The following GPR89B variants were observed in gnomAD, a reference collection of about 807,000 sequenced individuals.
GPR89B encodes the protein G protein-coupled receptor 89B.
Under a neutral mutation model 52.4 loss-of-function variants are expected in GPR89B, and 25 were observed. That is an observed-to-expected ratio of 0.48 (90% confidence interval 0.35 to 0.67). The LOEUF is 0.67. GPR89B is among the 30% of genes least tolerant of loss of function. The pLI is 0.01. For missense variants in GPR89B, 146 were observed against 450.2 expected, an observed-to-expected ratio of 0.32 and a Z score of 6.11; for synonymous variants, 52 against 151.2, an observed-to-expected ratio of 0.34 and a Z score of 4.81.
chr1:147,955,704 T>C (rs1217773086), intron 7 of GPR89B, among the ~76,000 whole-genome samples: 31 of 148,052 alleles, frequency 2.1e-4, no homozygotes, highest in African/African-American at 7.0e-4. Context: ...GTATGCCTTC[T>C]TTTGAGAAAT....
At chr1:147,981,383 C>T (rs1658241281) in intron 10 of GPR89B, among the ~76,000 whole-genome samples, 1 of 149,412 alleles carries the variant, frequency 6.7e-6, no homozygotes, top group Admixed American at 6.7e-5. Context: ...ATGCTTGTGG[C>T]CCCAGCTACT....
At chr1:147,930,981 C>G (rs1188408549) in intron 1 of GPR89B, among the ~76,000 whole-genome samples, 5 of 152,070 alleles carry the variant, frequency 3.3e-5, no homozygotes, top group Non-Finnish European at 7.4e-5. Flanking sequence ...ACTAGATGTC[C>G]CTATACCTAC....
the GPR89B span, among the ~76,000 whole-genome samples, chr1:148,015,624 TTTG>T: frequency 2.2e-4 from 25 of 111,586 alleles, 1 homozygote; most frequent in East Asian, 7.2e-3. Context: ...TTCTCTCTAT[TTTG>T]TTTGTTTGTT....
At chr1:147,998,787 A>C in the GPR89B span, among the ~76,000 whole-genome samples, 3 of 151,474 alleles carry the variant, frequency 2.0e-5, no homozygotes, top group South Asian at 6.3e-4. Context: ...AGACTGAGGC[A>C]GGAGACTCAC....
intron 7 of GPR89B, among the ~76,000 whole-genome samples, chr1:147,958,648 A>T (rs1656304692): frequency 6.6e-6 from 1 of 151,870 alleles, no homozygotes; most frequent in African/African-American, 2.4e-5. Context: ...CAAAAAAAAA[A>T]AAAAGTGAAG....
At chr1:147,977,269 G>A (rs1348178907) in intron 10 of GPR89B, among the ~76,000 whole-genome samples, 5 of 133,932 alleles carry the variant, frequency 3.7e-5, no homozygotes, top group Non-Finnish European at 7.9e-5. Flanking sequence ...AAAACAGAAT[G>A]TTGAATATTG....
chr1:148,000,352 T>A, the GPR89B span, among the ~76,000 whole-genome samples: 8 of 151,080 alleles, frequency 5.3e-5, no homozygotes, highest in Non-Finnish European at 1.0e-4. Context: ...CAGGTTGATA[T>A]CAAGTATTTT....
chr1:148,004,414 C>T, the GPR89B span, among the ~76,000 whole-genome samples: 18 of 150,102 alleles, frequency 1.2e-4, no homozygotes, highest in East Asian at 3.6e-3. Flanking sequence ...ATCCACCCGC[C>T]TCGGCCTCCC....
At chr1:147,935,227 T>C (rs587651507) in intron 1 of GPR89B, among the ~76,000 whole-genome samples, 17 of 152,156 alleles carry the variant, frequency 1.1e-4, no homozygotes, top group African/African-American at 3.6e-4. Flanking sequence ...AGAGGACATC[T>C]ACACAGGTCT....
rs1252848773 is a variant in GPR89B, at chr1:147,966,598, A to G, written c.662A>G (p.His221Arg). ...ACAATGTTCCAGAAGGGGGAAGTGC[A>G]TAACAAACCATCAGGTTTCTGGGGA... ...RRTMFQKGEV[H>R]NKPSGFWGMI... Residue 221 changes from histidine to arginine, a missense_variant, in exon 8 of 14, where the codon CAT becomes CGT. Coordinates refer to ENST00000314163, the MANE Select transcript of GPR89B (RefSeq NM_016334.5). 6 of 346,546 alleles carry G rather than the reference A, an allele frequency of 1.7e-5. No individual in the cohort carries two copies. Among genetic ancestry groups the G allele is most frequent in the Non-Finnish European group, 2.4e-5 (5 of 209,358 alleles). 21.5% of individuals were successfully genotyped at this position (346,546 alleles called of 1,614,324 possible).
At chr1:147,994,259 A>G, downstream of GPR89B, 1 of 1,600,698 alleles carries the variant, frequency 6.2e-7, no homozygotes, top group South Asian at 1.1e-5. Context: ...AATACCCAGA[A>G]ACAGCTATCA....
Position 147,949,550 on chromosome 1 carries a change from C to T in GPR89B, c.416-3795C>T, listed in dbSNP as rs868913017. ...GCAGAGGCGCCCCTCACCTCCCGGACGGGGCGGCTGGCCGGGCGGGGGGCT... is the reference window on the plus strand; with the variant it reads ...GCAGAGGCGCCCCTCACCTCCCGGATGGGGCGGCTGGCCGGGCGGGGGGCT... On this transcript the variant is annotated intron_variant, in intron 5 of 13. Coordinates refer to ENST00000314163, the MANE Select transcript of GPR89B (RefSeq NM_016334.5). 1.9e-3 allele frequency among the ~76,000 whole-genome samples: 228 copies of T among 122,808 alleles called. 4 individuals carry two copies. The highest frequency in any genetic ancestry group is 7.4e-3 in the African/African-American group (210 of 28,214). The allele number at this position is 122,808 out of a possible 152,430, so 80.6% of individuals were successfully genotyped here. A position where few individuals can be genotyped will look rare whatever the true frequency, so the allele number is the denominator to read the frequency against.
chr1:148,009,699 A>G, the GPR89B span: 2 of 690,958 alleles, frequency 2.9e-6, no homozygotes, highest in African/African-American at 3.6e-5. Context: ...CTGCTAGTTG[A>G]CCCTTGACAC....
chr1:147,950,393 G>A (rs1214562091), intron 5 of GPR89B, among the ~76,000 whole-genome samples: 2 of 150,736 alleles, frequency 1.3e-5, no homozygotes, highest in Admixed American at 6.6e-5. Context: ...GGGAAGAGGC[G>A]CTCCTCACTT....
chr1:147,975,667 T>C (rs1428058537), intron 10 of GPR89B, among the ~76,000 whole-genome samples: 10 of 152,254 alleles, frequency 6.6e-5, no homozygotes, highest in African/African-American at 2.4e-4. Context: ...GCAGTTCTGC[T>C]GTGACCTTGG....
chr1:148,012,452 G>A, the GPR89B span, among the ~76,000 whole-genome samples: 1 of 151,726 alleles, frequency 6.6e-6, no homozygotes, highest in Admixed American at 6.6e-5. Context: ...TGGCCTGTGA[G>A]CTGCTTCCTC....
the GPR89B span, among the ~76,000 whole-genome samples, chr1:148,003,392 A>G: frequency 2.0e-5 from 3 of 152,036 alleles, no homozygotes; most frequent in African/African-American, 7.2e-5. Flanking sequence ...CCGGCTCACA[A>G]AAGCCAATTC....
chr1:147,971,488 T>G (rs1329272808), intron 10 of GPR89B, among the ~76,000 whole-genome samples: 1 of 141,338 alleles, frequency 7.1e-6, no homozygotes, highest in African/African-American at 2.7e-5. Flanking sequence ...TTTTTTTTTT[T>G]TGTGAAGACG....
chr1:147,945,505 T>C (rs1396691223), intron 5 of GPR89B, among the ~76,000 whole-genome samples: 3 of 152,352 alleles, frequency 2.0e-5, no homozygotes, highest in South Asian at 2.1e-4. Flanking sequence ...AGAGGAGATA[T>C]GCAGTTTTGA....
Sources: allele counts gnomAD v4.1 joint callset (sites outside exome capture counted in the v4.1 genomes callset), GRCh38; gene constraint gnomAD v4.1.1; transcripts MANE v1.5; gene names NCBI Gene and HGNC (gene_info 2026-07-23, HGNC 2026-07-21).